Variants in AKT3 observed in about 807,000 individuals in gnomAD.
AKT3 encodes the protein AKT serine/threonine kinase 3.
Under a neutral mutation model 65.3 loss-of-function variants are expected in AKT3, and 15 were observed. The observed-to-expected ratio is 0.23, with a 90% CI of 0.15 to 0.35. The LOEUF is 0.35. AKT3 is among the 10% of genes least tolerant of loss of function. The pLI is 1.00. For synonymous variants in AKT3, 206 were observed against 183.8 expected (o/e 1.12, Z -0.98); for missense variants, 243 against 576.5 (o/e 0.42, Z 5.92).
intron 2 of AKT3, among the ~76,000 whole-genome samples, chr1:243,728,717 A>C (rs891569087): frequency 2.0e-5 from 3 of 152,226 alleles, no homozygotes; most frequent in South Asian, 2.1e-4. Context: ...AATAAAACTA[A>C]GATCAATGAG....
chr1:243,717,018 C>T (rs2148097719), intron 2 of AKT3, among the ~76,000 whole-genome samples: 1 of 152,210 alleles, frequency 6.6e-6, no homozygotes, highest in East Asian at 1.9e-4. Flanking sequence ...GGCTTCTGTC[C>T]CTGGTCTCTC....
intron 2 of AKT3, among the ~76,000 whole-genome samples, chr1:243,830,322 C>T (rs570141583): frequency 2.6e-5 from 4 of 152,242 alleles, no homozygotes; most frequent in African/African-American, 9.6e-5. Flanking sequence ...ATTTGAGCAT[C>T]AGCAGATTTT....
intron 8 of AKT3, among the ~76,000 whole-genome samples, chr1:243,583,087 CATAT>C (rs138406754): frequency 1.4e-5 from 2 of 143,862 alleles, no homozygotes; most frequent in African/African-American, 5.1e-5. Context: ...ATATATCTTC[CATAT>C]ATATATATAT....
At chr1:243,773,230 CAAAA>C (rs1690313379) in intron 2 of AKT3, among the ~76,000 whole-genome samples, 1 of 146,568 alleles carries the variant, frequency 6.8e-6, no homozygotes, top group African/African-American at 2.5e-5. Context: ...ATATATAAAA[CAAAA>C]AGAAACTGAA....
chr1:243,517,212 T>C (rs182268923), intron 12 of AKT3, among the ~76,000 whole-genome samples: 4 of 152,334 alleles, frequency 2.6e-5, no homozygotes, highest in Admixed American at 6.5e-5. Flanking sequence ...TTAAAATTCA[T>C]GGAGTTGTTT....
chr1:243,571,887 G>A (rs1166187027), intron 9 of AKT3, among the ~76,000 whole-genome samples: 2 of 152,146 alleles, frequency 1.3e-5, no homozygotes, highest in African/African-American at 2.4e-5. Context: ...TAGGTACATA[G>A]TTCAGTTCTT....
chr1:243,715,982 T>C (rs1364991743), intron 2 of AKT3, among the ~76,000 whole-genome samples: 2 of 152,126 alleles, frequency 1.3e-5, no homozygotes, highest in Non-Finnish European at 2.9e-5. Context: ...TCAAAAGTTT[T>C]TCTTAGTTAA....
At chr1:243,584,638 T>C (rs1675659374) in intron 8 of AKT3, among the ~76,000 whole-genome samples, 1 of 152,026 alleles carries the variant, frequency 6.6e-6, no homozygotes, top group South Asian at 2.1e-4. Flanking sequence ...GTTCAACATA[T>C]ACAAATCAAT....
intron 6 of AKT3, among the ~76,000 whole-genome samples, chr1:243,627,631 G>C (rs1679279052): frequency 6.6e-6 from 1 of 152,160 alleles, no homozygotes; most frequent in Non-Finnish European, 1.5e-5. Flanking sequence ...TGGCTCACAG[G>C]AATACCACAG....
intron 8 of AKT3, among the ~76,000 whole-genome samples, chr1:243,601,075 T>G (rs551506583): frequency 2.0e-5 from 3 of 152,282 alleles, no homozygotes; most frequent in African/African-American, 7.2e-5. Flanking sequence ...TTAATTTTAC[T>G]GAATGCTAAC....
intron 3 of AKT3, among the ~76,000 whole-genome samples, chr1:243,675,938 CATTA>C (rs759997035): frequency 3.3e-4 from 50 of 152,214 alleles, no homozygotes; most frequent in Admixed American, 9.8e-4. Context: ...TAAATCTAGA[CATTA>C]ATTACACAAT....
chr1:243,592,692 A>G (rs1286063949), intron 8 of AKT3, among the ~76,000 whole-genome samples: 1 of 152,222 alleles, frequency 6.6e-6, no homozygotes, highest in Non-Finnish European at 1.5e-5. Flanking sequence ...CTGAACTAGA[A>G]ATTGTTCAAG....
At chr1:243,838,213 A>T (rs1413736926) in intron 2 of AKT3, among the ~76,000 whole-genome samples, 2 of 152,138 alleles carry the variant, frequency 1.3e-5, no homozygotes, top group African/African-American at 4.8e-5. Context: ...AGAAAAGCTA[A>T]TTTCACAGTA....
chr1:243,624,398 A>G (rs891349032), intron 6 of AKT3, among the ~76,000 whole-genome samples: 5 of 152,340 alleles, frequency 3.3e-5, no homozygotes, highest in African/African-American at 1.2e-4. Context: ...TAAGATTTTT[A>G]TTCCAATTTG....
intron 13 of AKT3, among the ~76,000 whole-genome samples, chr1:243,507,817 C>A (rs1344345416): frequency 6.6e-6 from 1 of 152,100 alleles, no homozygotes; most frequent in Non-Finnish European, 1.5e-5. Flanking sequence ...TCAAAGAAAC[C>A]CTCTTTTTCT....
At chr1:243,510,356 C>G (rs1669941003) in intron 13 of AKT3, among the ~76,000 whole-genome samples, 1 of 152,206 alleles carries the variant, frequency 6.6e-6, no homozygotes, top group African/African-American at 2.4e-5. Context: ...AAACTAGATC[C>G]TTCCTCTCCA....
intron 3 of AKT3, among the ~76,000 whole-genome samples, chr1:243,693,806 A>C (rs189702673): frequency 6.6e-6 from 1 of 152,270 alleles, no homozygotes; most frequent in East Asian, 1.9e-4. Flanking sequence ...ATTTCTAAAA[A>C]TTTATTTAGA....
intron 12 of AKT3, among the ~76,000 whole-genome samples, chr1:243,531,891 T>G (rs1671557579): frequency 6.6e-6 from 1 of 152,222 alleles, no homozygotes; most frequent in African/African-American, 2.4e-5. Context: ...ATTGATCTTC[T>G]TAAGATCAAT....
At chr1:243,577,456 T>C (rs1675023390) in intron 8 of AKT3, among the ~76,000 whole-genome samples, 1 of 152,156 alleles carries the variant, frequency 6.6e-6, no homozygotes, top group Non-Finnish European at 1.5e-5. Context: ...CAGCACTCCC[T>C]ATTTAATAAA....
Sources: allele counts gnomAD v4.1 joint callset (sites outside exome capture counted in the v4.1 genomes callset), GRCh38; gene constraint gnomAD v4.1.1; transcripts MANE v1.5; gene names NCBI Gene and HGNC (gene_info 2026-07-23, HGNC 2026-07-21).